IVNS1ABP: variants seen among roughly 807,000 people sequenced by gnomAD.
IVNS1ABP encodes the protein influenza virus NS1A binding protein, also known as influenza virus NS1A-binding protein.
Under a neutral mutation model 78.9 loss-of-function variants are expected in IVNS1ABP, and 25 were observed. That is an observed-to-expected ratio of 0.32 (90% CI 0.23 to 0.44). IVNS1ABP has a LOEUF of 0.44. Among genes scored for constraint, IVNS1ABP ranks in the 20% least tolerant of loss-of-function variants. IVNS1ABP has a pLI of 1.00. For missense variants in IVNS1ABP, 494 were observed against 768.9 expected (o/e 0.64, Z 4.23); for synonymous variants, 241 against 259.7 (o/e 0.93, Z 0.69).
intron 14 of IVNS1ABP, 88 bp downstream of exon 14, chr1:185,299,622 A>T: frequency 8.3e-7 from 1 of 1,209,978 alleles, no homozygotes; most frequent in South Asian, 1.2e-5. Context: ...TTAACTGTAC[A>T]ACTATAGTCA....
rs1249438439 is a variant in IVNS1ABP at position 185,298,497 on chromosome 1, A to C, written c.1676-209T>G. The C allele has an allele frequency of 5.4e-6, 3 of 552,696 alleles. No individual in the cohort carries two copies. The African/African-American group carries it at 5.7e-5, about 11-fold the overall frequency. The allele number at this position is 552,696 out of a possible 1,614,324, so 34.2% of individuals were successfully genotyped here. ...AATAAAAAAACCATTCCCACGTGGA[A>C]CTTAGGCAACTTAAAAGGGGGAGGG... On this transcript the variant is annotated intron_variant, in intron 14 of 14. Coordinates refer to ENST00000367498, the MANE Select transcript of IVNS1ABP (RefSeq NM_006469.5). This position sits in a 1 kb window ranked among gnomAD's most constrained non-coding sequence, Gnocchi z 4.1.
intron 13 of IVNS1ABP, 52 bp from the exon 14 acceptor site, chr1:185,299,935 G>GTA (rs758267682): frequency 1.2e-6 from 2 of 1,609,460 alleles, no homozygotes; most frequent in African/African-American, 1.3e-5. Flanking sequence ...GACTCTAAGT[G>GTA]TATACTACAC....
At position 185,301,739 on chromosome 1, in the gene IVNS1ABP, A is replaced by G. The variant is rs925712250; in HGVS notation, c.766-176T>C. On this transcript the variant is annotated intron_variant, in intron 8 of 14. Transcript: ENST00000367498. ...TGACACAAATTACTGGCATACTTCC[A>G]TCTCCACTCAATGATGAGACAACTA... 8 of 563,792 alleles carry G rather than the reference A, an allele frequency of 1.4e-5. No homozygotes were observed. In the South Asian group the frequency reaches 1.9e-4, roughly 13 times the overall value. 34.9% of individuals were successfully genotyped at this position (563,792 alleles called of 1,614,324 possible).
At chr1:185,316,565 C>T (rs1232187554) in intron 1 of IVNS1ABP, among the ~76,000 whole-genome samples, 1 of 152,250 alleles carries the variant, frequency 6.6e-6, no homozygotes, top group African/African-American at 2.4e-5. Flanking sequence ...GTCCCGCGCC[C>T]TCCTTCCGGC....
intron 1 of IVNS1ABP, among the ~76,000 whole-genome samples, chr1:185,312,378 T>C (rs1198804694): frequency 1.3e-5 from 2 of 152,236 alleles, no homozygotes; most frequent in African/African-American, 4.8e-5. Context: ...TTACCTGAAA[T>C]ACGTGCAAAT....
At chr1:185,304,438 A>G (rs1665684541) in intron 8 of IVNS1ABP, among the ~76,000 whole-genome samples, 1 of 152,146 alleles carries the variant, frequency 6.6e-6, no homozygotes, top group Non-Finnish European at 1.5e-5. Context: ...TTTTAGAAAT[A>G]TTCACTCACT....
In IVNS1ABP at chr1:185,306,803, C is replaced by A. The variant is rs992161553; in HGVS notation, c.657+211G>T. ...AAGAAAGTTAACAGCACATAATAAG[C>A]AAAGAAATAAAAAAAGAAAAGCAGA... is the stretch of plus-strand genomic sequence containing the variant. On this transcript the variant is annotated intron_variant, in intron 7 of 14. Coordinates refer to ENST00000367498, the MANE Select transcript of IVNS1ABP (RefSeq NM_006469.5). 2.9e-5 allele frequency: 20 copies of A among 696,144 alleles called. No individual in the cohort carries two copies. The African/African-American group carries it at 3.7e-4, about 13-fold the overall frequency. 43.1% of individuals were successfully genotyped at this position (696,144 alleles called of 1,614,324 possible). A position where few individuals can be genotyped will look rare whatever the true frequency, so the allele number is the denominator to read the frequency against.
rs1679922462 is a variant in IVNS1ABP at position 185,308,120 on chromosome 1, G to A, written c.358-458C>T. The A allele has an allele frequency of 2.2e-6, 3 of 1,365,762 alleles. No individual in the cohort carries two copies. In the African/African-American group the frequency reaches 4.4e-5, roughly 20 times the overall value. The allele number at this position is 1,365,762 out of a possible 1,614,324, so 84.6% of individuals were successfully genotyped here. The stretch of plus-strand genomic sequence containing the variant: ...ATCTAGAAACTAAATGCAGGGATAT[G>A]TACTGTAAATTAAGGAAGGATTTTT... On this transcript the variant is annotated intron_variant, in intron 5 of 14. Transcript: ENST00000367498.
rs1416074204 is a variant in IVNS1ABP at position 185,297,651 on chromosome 1, A to G, written c.*384T>C. On this transcript the variant is annotated 3_prime_UTR_variant, in exon 15 of 15. Transcript: ENST00000367498. ...TGAAAAAGGGCCCTTAAAAAACCCA[A>G]CTGTCTACATCTTTAAACCCTACCC... 3 of 185,010 alleles carry G rather than the reference A, an allele frequency of 1.6e-5. No homozygotes were observed. The highest frequency in any genetic ancestry group is 2.8e-4 in the South Asian group (2 of 7,256). The allele number at this position is 185,010 out of a possible 1,614,324, so 11.5% of individuals were successfully genotyped here.
rs764078356 is a variant in IVNS1ABP at position 185,298,121 on chromosome 1, C to T, written c.1843G>A (p.Asp615Asn). ...ACCGTATTCAGAAATTCATTGCCAT[C>T]GAATCCTCCCACTGCATAAATGGTG... ...GNTIYAVGGF[D>N]GNEFLNTVEV... is the part of the protein sequence containing the mutation. The change falls in exon 15 of 15, where the codon GAT becomes AAT. Residue 615 changes from aspartate to asparagine, a missense_variant. Coordinates refer to ENST00000367498, the MANE Select transcript of IVNS1ABP (RefSeq NM_006469.5). This position sits in a 1 kb window ranked among gnomAD's most constrained non-coding sequence, Gnocchi z 4.1. The T allele has an allele frequency of 1.6e-5, 26 of 1,613,584 alleles. No individual in the cohort carries two copies. Among genetic ancestry groups the T allele is most frequent in the East Asian group, 1.6e-4 (7 of 44,872 alleles).
chr1:185,308,456 A>G (rs190516914), intron 5 of IVNS1ABP, among the ~76,000 whole-genome samples: 82 of 152,326 alleles, frequency 5.4e-4, no homozygotes, highest in Admixed American at 9.8e-4. Flanking sequence ...ATACTTTTAG[A>G]GAGCACAGGA....
In IVNS1ABP at chr1:185,299,969, A is replaced by G. The variant is rs762711781; in HGVS notation, c.1501+30T>C. 5 of 814,560 alleles carry G rather than the reference A, an allele frequency of 6.1e-6. No individual in the cohort carries two copies. The Admixed American group carries it at 1.6e-4, about 26-fold the overall frequency. 50.5% of individuals were successfully genotyped at this position (814,560 alleles called of 1,614,324 possible). A position where few individuals can be genotyped will look rare whatever the true frequency, so the allele number is the denominator to read the frequency against. On this transcript the variant is annotated intron_variant, in intron 13 of 14. Coordinates refer to ENST00000367498, the MANE Select transcript of IVNS1ABP (RefSeq NM_006469.5). ...ACATACTGTTGATTTGAAGGTCTTT[A>G]AAAAAAAAAAGGAAAAAAAATCAAC...
intron 6 of IVNS1ABP, 62 bp downstream of exon 6, chr1:185,307,427 A>T: frequency 7.7e-7 from 1 of 1,293,974 alleles, no homozygotes; most frequent in South Asian, 1.3e-5. Context: ...CTTGAAACAC[A>T]GACCAAGATT....
At chr1:185,313,328 G>T (rs377116386) in intron 1 of IVNS1ABP, among the ~76,000 whole-genome samples, 4 of 152,172 alleles carry the variant, frequency 2.6e-5, no homozygotes, top group South Asian at 4.1e-4. Context: ...AGTACATCAA[G>T]GTCATAATAT....
intron 1 of IVNS1ABP, among the ~76,000 whole-genome samples, chr1:185,316,198 C>T (rs867454222): frequency 6.6e-6 from 1 of 152,184 alleles, no homozygotes; most frequent in Non-Finnish European, 1.5e-5. Context: ...CCTTCCTCCT[C>T]GCGCAGCCAG....
chr1:185,315,163 A>C (rs1180080670), intron 1 of IVNS1ABP, among the ~76,000 whole-genome samples: 1 of 152,252 alleles, frequency 6.6e-6, no homozygotes, highest in Non-Finnish European at 1.5e-5. Flanking sequence ...ACTGCTAAAA[A>C]GTGGATGAAA....
In IVNS1ABP at chr1:185,298,817, T is replaced by A. The variant is rs1452377064; in HGVS notation, c.1676-529A>T. ...TGGCTCATGCCTATAATCCCAATAC[T>A]ATGGGAGCCTGAGGTGGGAGGACTG... On this transcript the variant is annotated intron_variant, in intron 14 of 14. Transcript: ENST00000367498. The surrounding 1 kb of genome is among the most constrained non-coding windows in gnomAD (Gnocchi z 4.1). The A allele has an allele frequency of 6.5e-6, 1 of 154,192 alleles. No homozygotes were observed. Among genetic ancestry groups the A allele is most frequent in the Admixed American group, 6.4e-5 (1 of 15,666 alleles). The allele number at this position is 154,192 out of a possible 1,614,324, so 9.6% of individuals were successfully genotyped here.
intron 1 of IVNS1ABP, among the ~76,000 whole-genome samples, chr1:185,315,751 TAAAAG>T (rs1665999976): frequency 6.6e-6 from 1 of 152,218 alleles, no homozygotes; most frequent in South Asian, 2.1e-4. Context: ...CTAGAATTAT[TAAAAG>T]AAAGCATGGC....
chr1:185,299,439 G>GATT (rs1475530364), intron 14 of IVNS1ABP: 1 of 457,394 alleles, frequency 2.2e-6, no homozygotes, highest in African/African-American at 2.0e-5. Flanking sequence ...GATGCATTAA[G>GATT]GATATGTTTT....
Sources: allele counts gnomAD v4.1 joint callset (sites outside exome capture counted in the v4.1 genomes callset), GRCh38; gene constraint gnomAD v4.1.1; non-coding constraint Gnocchi (gnomAD v3.1); transcripts MANE v1.5; gene names NCBI Gene and HGNC (gene_info 2026-07-23, HGNC 2026-07-21).